The following HKDC1 variants were observed in gnomAD, a reference collection of about 807,000 sequenced individuals.
HKDC1 encodes hexokinase domain containing 1.
A neutral mutation model predicts 96.6 loss-of-function variants in HKDC1; 66 were observed. The observed-to-expected ratio is 0.68, with a 90% confidence interval of 0.56 to 0.84. The LOEUF (loss-of-function observed/expected upper bound fraction) is 0.84, where lower values mean the gene tolerates loss of function less well. HKDC1 is among the 40% of genes least tolerant of loss of function. The probability of loss-of-function intolerance (pLI) is 0.00; values close to 1 mark genes in which losing one functional copy is unlikely to be tolerated. For missense variants in HKDC1, 1,211 were observed against 1,208.1 expected (o/e 1.00, Z -0.04); for synonymous variants, 466 against 473.1 (o/e 0.98, Z 0.20).
chr10:69,248,531 C>A lies in HKDC1; in HGVS notation c.1373C>A (p.Ala458Glu), dbSNP rs745328910. 1 of 1,613,922 alleles carries A rather than the reference C, an allele frequency of 6.2e-7. No individual in the cohort carries two copies. The highest frequency in any genetic ancestry group is 8.5e-7 in the Non-Finnish European group (1 of 1,179,924). ...ACCAAGGGGGCCGCCATGGTGACCG[C>A]GGTGGCCTCCCGCGTGCAGGCCCAG... ...GSTKGAAMVT[A>E]VASRVQAQRK... The change falls in exon 10 of 18, where the codon GCG (alanine) becomes GAG (glutamate). Residue 458 changes from alanine to glutamate, a missense_variant. By Grantham distance (107) the Ala-to-Glu change is moderately radical. Transcript: ENST00000354624.
chr10:69,248,306 A>T, intron 9 of HKDC1, 118 bp from the exon 10 acceptor site: 1 of 1,039,530 alleles, frequency 9.6e-7, no homozygotes, highest in Non-Finnish European at 1.4e-6. Flanking sequence ...ATCAGCAAAT[A>T]AAGGGCTGAG....
At chr10:69,232,657 G>A (rs874557) in intron 2 of HKDC1, 107 bp from the exon 3 acceptor site, 450,893 of 1,013,170 alleles carry the variant, frequency 0.45, 104,406 homozygotes, top group East Asian at 0.79. Flanking sequence ...ATGATACCTA[G>A]TGGCTGTGAT....
intron 14 of HKDC1, 134 bp from the exon 15 acceptor site, chr10:69,258,642 C>A: frequency 3.4e-6 from 3 of 877,550 alleles, no homozygotes; most frequent in East Asian, 2.5e-5. Flanking sequence ...GGTTAGCCAG[C>A]TATGACTGTA....
chr10:69,255,743 C>T (rs377443027), intron 12 of HKDC1, among the ~76,000 whole-genome samples: 1 of 152,040 alleles, frequency 6.6e-6, no homozygotes, highest in African/African-American at 2.4e-5. Flanking sequence ...ATGATGAAAC[C>T]TCGTCTCTAC....
At chr10:69,242,657 C>A (rs753727602) in intron 6 of HKDC1, among the ~76,000 whole-genome samples, 6 of 152,066 alleles carry the variant, frequency 3.9e-5, no homozygotes, top group African/African-American at 1.4e-4. Context: ...TTCCTTGGAG[C>A]GATTTTGTGT....
chr10:69,240,555 C>T, intron 5 of HKDC1, 97 bp from the exon 6 acceptor site: 1 of 970,460 alleles, frequency 1.0e-6, no homozygotes, highest in Non-Finnish European at 1.6e-6. Flanking sequence ...AGGGATGTCT[C>T]AGCAGCCACC....
Position 69,257,435 on chromosome 10 carries a change from T to G in HKDC1, c.2032+9T>G. On this transcript the variant is annotated intron_variant, in intron 14 of 17. Coordinates refer to ENST00000354624, the MANE Select transcript of HKDC1 (RefSeq NM_025130.4). ...GATTGGCCTGATTGCAGGTAGGTGG[T>G]CAGGCATGGCCCATTGGCCTAATCC... The G allele has an allele frequency of 6.3e-7, 1 of 1,592,886 alleles. No individual in the cohort carries two copies. The highest frequency in any genetic ancestry group is 8.6e-7 in the Non-Finnish European group (1 of 1,160,668).
chr10:69,264,642 C>G (rs140425175), intron 16 of HKDC1, among the ~76,000 whole-genome samples: 6 of 152,184 alleles, frequency 3.9e-5, no homozygotes, highest in African/African-American at 1.4e-4. Context: ...GCTGGGATTA[C>G]AGGTGTAAGC....
intron 2 of HKDC1, among the ~76,000 whole-genome samples, chr10:69,227,817 C>T (rs1843185768): frequency 6.6e-6 from 1 of 152,120 alleles, no homozygotes; most frequent in Non-Finnish European, 1.5e-5. Context: ...GTGTTCCCAG[C>T]ACCTAGTGTA....
chr10:69,226,822 T>C (rs1439184661), intron 1 of HKDC1, among the ~76,000 whole-genome samples: 1 of 152,230 alleles, frequency 6.6e-6, no homozygotes, highest in African/African-American at 2.4e-5. Flanking sequence ...AATCTACGAT[T>C]CAAGCTCTAG....
chr10:69,223,729 G>A (rs1349467340), intron 1 of HKDC1, among the ~76,000 whole-genome samples: 1 of 150,408 alleles, frequency 6.6e-6, no homozygotes, highest in Non-Finnish European at 1.5e-5. Flanking sequence ...GGGATCACAG[G>A]CCGCACCACC....
At chr10:69,259,293 C>T (rs1843771674) in intron 15 of HKDC1, among the ~76,000 whole-genome samples, 1 of 152,172 alleles carries the variant, frequency 6.6e-6, no homozygotes, top group African/African-American at 2.4e-5. Flanking sequence ...CAGAGGCCAA[C>T]ATCCTCAGGC....
chr10:69,257,866 T>TAA lies in HKDC1; in HGVS notation c.2032+441_2032+442insAA, dbSNP rs1843744298. ...AGAAGAGGGGAAAGGAGTGGCCTGATACAGGCATTTTAGGGGTCTTTGGGA... is the reference window on the plus strand; with the variant it reads ...AGAAGAGGGGAAAGGAGTGGCCTGATAAACAGGCATTTTAGGGGTCTTTGGGA... On this transcript the variant is annotated intron_variant, in intron 14 of 17. Transcript: ENST00000354624. Among the ~76,000 whole-genome samples the TAA allele has an allele frequency of 2.0e-5, 3 of 152,166 alleles. No homozygotes were observed. The South Asian group carries it at 6.2e-4, about 32-fold the overall frequency.
chr10:69,229,579 C>T (rs1211583535), intron 2 of HKDC1, among the ~76,000 whole-genome samples: 2 of 152,180 alleles, frequency 1.3e-5, no homozygotes, highest in Non-Finnish European at 2.9e-5. Context: ...CCTCCTGATA[C>T]AGACAAGGTG....
chr10:69,253,676 C>T (rs567962038), intron 12 of HKDC1, among the ~76,000 whole-genome samples: 6 of 152,288 alleles, frequency 3.9e-5, no homozygotes. Flanking sequence ...TAGTATCATC[C>T]TTCACTTTCG....
chr10:69,221,931 A>G lies in HKDC1; in HGVS notation c.63+1433A>G, dbSNP rs939237876. 2.3e-4 allele frequency among the ~76,000 whole-genome samples: 35 copies of G among 151,036 alleles called. 2 individuals carry two copies. The highest frequency in any genetic ancestry group is 8.0e-4 in the African/African-American group (33 of 41,138). ...GTCTGAAAAAAAAAGGAAAGAAAAG[A>G]AAAAAAAAGGCCAAGGATGGTGGCT... is the stretch of plus-strand genomic sequence containing the variant. On this transcript the variant is annotated intron_variant, in intron 1 of 17. Coordinates refer to ENST00000354624, the MANE Select transcript of HKDC1 (RefSeq NM_025130.4).
chr10:69,260,010 T>A (rs528467750), intron 15 of HKDC1, among the ~76,000 whole-genome samples: 2 of 152,358 alleles, frequency 1.3e-5, no homozygotes, highest in East Asian at 3.9e-4. Flanking sequence ...ACACTTATTC[T>A]GTAAAAGAAC....
chr10:69,263,481 T>C (rs1843842436), intron 16 of HKDC1, among the ~76,000 whole-genome samples: 1 of 152,220 alleles, frequency 6.6e-6, no homozygotes, highest in African/African-American at 2.4e-5. Flanking sequence ...GGTGCTGTGC[T>C]GACTGCAGCC....
intron 5 of HKDC1, among the ~76,000 whole-genome samples, chr10:69,239,809 C>T (rs1843427466): frequency 2.0e-5 from 3 of 147,248 alleles, no homozygotes; most frequent in Admixed American, 7.0e-5. Flanking sequence ...GCTGTGTTGC[C>T]CAGGCTGGCA....
Sources: gnomAD v4.1 joint callset for allele counts (sites outside exome capture counted in the v4.1 genomes callset) on GRCh38, gnomAD v4.1.1 for gene constraint, MANE v1.5 for transcripts, NCBI Gene and HGNC (gene_info 2026-07-23, HGNC 2026-07-21) for gene names.